The following PEX2 variants were observed in gnomAD, a reference collection of about 807,000 sequenced individuals.
The protein encoded by PEX2 is peroxisomal biogenesis factor 2.
In PEX2, 19 loss-of-function variants were observed where a neutral mutation model predicts 25.2. The observed-to-expected ratio is 0.75, with a 90% confidence interval of 0.53 to 1.10. The LOEUF is 1.10. Ranked by LOEUF, PEX2 falls within the 50% of genes least tolerant of loss-of-function variation. The pLI is 0.00. For synonymous variants in PEX2, 141 were observed against 127.7 expected, an observed-to-expected ratio of 1.10 and a Z score of -0.70; for missense variants, 347 against 350.6, an observed-to-expected ratio of 0.99 and a Z score of 0.08.
intron 1 of PEX2, 111 bp downstream of exon 1, chr8:76,999,879 C>A (rs771015893): frequency 4.4e-6 from 2 of 456,032 alleles, no homozygotes; most frequent in Non-Finnish European, 8.8e-6. Flanking sequence ...AGCCAATAAA[C>A]AGGGAAAAAA....
intron 3 of PEX2, among the ~76,000 whole-genome samples, chr8:76,985,663 C>T (rs1455896047): frequency 2.6e-5 from 4 of 152,108 alleles, no homozygotes; most frequent in East Asian, 1.9e-4. Context: ...ATCACCACAC[C>T]GGGCTTGATT....
In PEX2 at chr8:76,983,199, T is replaced by C. The variant is rs1806887269; in HGVS notation, c.*62A>G. On this transcript the variant is annotated 3_prime_UTR_variant, in exon 4 of 4. Coordinates refer to ENST00000357039, the MANE Select transcript of PEX2 (RefSeq NM_000318.3). The stretch of plus-strand genomic sequence containing the variant: ...GGATACATAAATGGTATACTTAGGA[T>C]GACTAATATTAAGAATTTAAACACG... The C allele has an allele frequency of 4.4e-6, 7 of 1,600,590 alleles. No homozygotes were observed. The highest frequency in any genetic ancestry group is 5.9e-6 in the Non-Finnish European group (7 of 1,179,662).
Position 76,982,602 on chromosome 8 carries a change from G to C in PEX2, c.*659C>G, listed in dbSNP as rs551943990. 226 of 152,662 alleles carry C rather than the reference G, an allele frequency of 1.5e-3. No individual in the cohort carries two copies. Among genetic ancestry groups the C allele is most frequent in the Non-Finnish European group, 2.7e-3 (184 of 68,414 alleles). The allele number at this position is 152,662 out of a possible 1,614,324, so 9.5% of individuals were successfully genotyped here. ...TGACGCAGGTGGATCACCAGATCAG[G>C]AGATAGAGACCATCCTGGCTAACAC... is the stretch of plus-strand genomic sequence containing the variant. On this transcript the variant is annotated 3_prime_UTR_variant, in exon 4 of 4. Transcript: ENST00000357039.
At chr8:76,999,937 G>A (rs1421295128) in intron 1 of PEX2, 53 bp downstream of exon 1, 9 of 456,510 alleles carry the variant, frequency 2.0e-5, no homozygotes, top group Non-Finnish European at 4.0e-5. Context: ...CGACCTCCCA[G>A]CTGAAAACAA....
At chr8:77,000,550 G>A (rs900457814), upstream of PEX2, among the ~76,000 whole-genome samples, 4 of 152,212 alleles carry the variant, frequency 2.6e-5, no homozygotes, top group Non-Finnish European at 5.9e-5. Context: ...GGTGGGGAGG[G>A]AGCCCTCGGG....
intron 1 of PEX2, among the ~76,000 whole-genome samples, chr8:76,998,987 GT>G (rs201584207): frequency 3.0e-4 from 44 of 145,072 alleles, no homozygotes; most frequent in Non-Finnish European, 3.2e-4. Context: ...AATATGAAGG[GT>G]TTTTTTTTTT....
chr8:76,986,118 T>A (rs896159045), intron 3 of PEX2, 69 bp downstream of exon 3: 1 of 152,138 alleles, frequency 6.6e-6, no homozygotes, highest in Non-Finnish European at 1.5e-5. Flanking sequence ...GCTATTTTTC[T>A]CTCAAACCAG....
intron 2 of PEX2, among the ~76,000 whole-genome samples, chr8:76,987,421 G>A (rs922624468): frequency 6.6e-6 from 1 of 152,128 alleles, no homozygotes; most frequent in Non-Finnish European, 1.5e-5. Context: ...AGGACTAGAG[G>A]TGCACAGATG....
At chr8:76,996,531 G>A (rs1807338652) in intron 1 of PEX2, among the ~76,000 whole-genome samples, 2 of 152,204 alleles carry the variant, frequency 1.3e-5, no homozygotes, top group South Asian at 4.1e-4. Flanking sequence ...ACACTAGTGC[G>A]AGTATGAACA....
At position 76,998,354 on chromosome 8, in the gene PEX2, G is replaced by T. The variant is rs564537354; in HGVS notation, c.-160+1636C>A. On this transcript the variant is annotated intron_variant, in intron 1 of 3. Transcript: ENST00000357039. ...CTCCCTACGGCAAGAATCATTATGT[G>T]CATCAAATATAAGCAAAACTTTTAT... Among the ~76,000 whole-genome samples, 6 of 152,200 alleles carry T rather than the reference G, an allele frequency of 3.9e-5. No homozygotes were observed. The East Asian group carries it at 9.6e-4, about 24-fold the overall frequency.
At chr8:76,992,404 A>G (rs1293395008) in intron 1 of PEX2, among the ~76,000 whole-genome samples, 1 of 152,176 alleles carries the variant, frequency 6.6e-6, no homozygotes, top group Non-Finnish European at 1.5e-5. Flanking sequence ...AGCATATTAC[A>G]TTCAGTTCTT....
chr8:76,992,553 T>G (rs1807203364), intron 1 of PEX2, among the ~76,000 whole-genome samples: 1 of 152,170 alleles, frequency 6.6e-6, no homozygotes, highest in Non-Finnish European at 1.5e-5. Context: ...ATTAACCCAA[T>G]TATGGAATCT....
At chr8:76,996,387 C>A (rs928422041) in intron 1 of PEX2, among the ~76,000 whole-genome samples, 1 of 152,128 alleles carries the variant, frequency 6.6e-6, no homozygotes, top group Admixed American at 6.6e-5. Context: ...TCTAAACCAG[C>A]GTCCTATACT....
intron 1 of PEX2, among the ~76,000 whole-genome samples, chr8:76,995,405 A>G (rs73242198): frequency 0.034 from 5,221 of 152,274 alleles, 278 homozygotes; most frequent in African/African-American, 0.12. Context: ...CATTTCTAAA[A>G]TGTATCTGAA....
rs1806813585 is a variant in PEX2 at position 76,981,193 on chromosome 8, G to A, written c.*2068C>T. The stretch of plus-strand genomic sequence containing the variant: ...AGCATTTTAAAAATATATTATGGCT[G>A]GGTGCAGTGGCTCATGCCTGTAATC... On this transcript the variant is annotated 3_prime_UTR_variant, in exon 4 of 4. Transcript: ENST00000357039. 1 of 152,260 alleles carries A rather than the reference G, an allele frequency of 6.6e-6. No homozygotes were observed. Among genetic ancestry groups the A allele is most frequent in the South Asian group, 2.1e-4 (1 of 4,830 alleles). 9.4% of individuals were successfully genotyped at this position (152,260 alleles called of 1,614,324 possible).
intron 3 of PEX2, among the ~76,000 whole-genome samples, chr8:76,985,492 G>A (rs1022538742): frequency 2.0e-5 from 3 of 152,064 alleles, no homozygotes; most frequent in South Asian, 2.1e-4. Context: ...AAGTAACTAC[G>A]GGTGGTGATT....
chr8:76,983,578 C>T lies in PEX2; in HGVS notation c.601G>A (p.Ala201Thr), dbSNP rs747167885. 3.7e-6 allele frequency: 6 copies of T among 1,613,978 alleles called. No individual in the cohort carries two copies. In the Admixed American group the frequency reaches 6.7e-5, roughly 18 times the overall value. Residue 201 changes from alanine to threonine, a missense_variant, in exon 4 of 4, where the codon GCT becomes ACT. Coordinates refer to ENST00000357039, the MANE Select transcript of PEX2 (RefSeq NM_000318.3). ...GGTAAGAGAAAAATCAGAAATTCAG[C>T]AAAACCATGCCAGAGAAGTTCCCTA... ...MNRELLWHGF[A>T]EFLIFLLPLI...
At chr8:76,998,922 C>G (rs78602177) in intron 1 of PEX2, among the ~76,000 whole-genome samples, 1 of 151,434 alleles carries the variant, frequency 6.6e-6, no homozygotes, top group Non-Finnish European at 1.5e-5. Context: ...CTTCAGTCTA[C>G]TAGTCTAGTA....
rs1381251538 is a variant in PEX2, at chr8:76,982,893, C to A, written c.*368G>T. ...TAATTGTCACATTATCATATTATGTCAACTCTGAAAATAAATGCACACTCA... is the reference window on the plus strand; with the variant it reads ...TAATTGTCACATTATCATATTATGTAAACTCTGAAAATAAATGCACACTCA... On this transcript the variant is annotated 3_prime_UTR_variant, in exon 4 of 4. Coordinates refer to ENST00000357039, the MANE Select transcript of PEX2 (RefSeq NM_000318.3). 5 of 278,390 alleles carry A rather than the reference C, an allele frequency of 1.8e-5. No individual in the cohort carries two copies. The highest frequency in any genetic ancestry group is 1.5e-4 in the Admixed American group (3 of 19,640). The allele number at this position is 278,390 out of a possible 1,614,324, so 17.2% of individuals were successfully genotyped here.
Sources: allele counts gnomAD v4.1 joint callset (sites outside exome capture counted in the v4.1 genomes callset), GRCh38; gene constraint gnomAD v4.1.1; transcripts MANE v1.5; gene names NCBI Gene and HGNC (gene_info 2026-07-23, HGNC 2026-07-21).